The following MAD1L1 variants were observed in gnomAD, a reference collection of about 807,000 sequenced individuals.
MAD1L1 encodes the protein mitotic arrest deficient 1 like 1.
MAD1L1 carries 95 observed loss-of-function variants against 96.9 expected under a neutral mutation model. The observed-to-expected ratio is 0.98, with a 90% CI of 0.83 to 1.16. The LOEUF is 1.16. Ranked by LOEUF, MAD1L1 falls within the 50% of genes most tolerant of loss-of-function variation. The pLI, the probability that MAD1L1 is intolerant of heterozygous loss-of-function variation, is 0.00. For missense variants in MAD1L1, 1,007 were observed against 954.4 expected (o/e 1.06, Z -0.73); for synonymous variants, 473 against 396.6 (o/e 1.19, Z -2.29).
chr7:1,862,839 C>G (rs763153816), intron 18 of MAD1L1, among the ~76,000 whole-genome samples: 3 of 152,224 alleles, frequency 2.0e-5, no homozygotes, highest in Non-Finnish European at 2.9e-5. Context: ...AACAATTCAC[C>G]GAAACCCTCA....
chr7:2,142,631 G>T lies in MAD1L1; in HGVS notation c.1073+6521C>A, dbSNP rs781176583. Among the ~76,000 whole-genome samples the T allele has an allele frequency of 6.6e-6, 1 of 152,224 alleles. No individual in the cohort carries two copies. The highest frequency in any genetic ancestry group is 2.4e-5 in the African/African-American group (1 of 41,454). The stretch of plus-strand genomic sequence containing the variant: ...CAGACAGGCATGGCAGGCTGCCACC[G>T]TGGAATACATGGAGACAGCCCATTA... On this transcript the variant is annotated intron_variant, in intron 11 of 18. Coordinates refer to ENST00000265854, the MANE Select transcript of MAD1L1 (RefSeq NM_001013836.2). The surrounding 1 kb of genome is among the most constrained non-coding windows in gnomAD (Gnocchi z 4.7).
rs60466584 is a variant in MAD1L1 at position 2,038,498 on chromosome 7, C to CTTTTTTTTTTTTTTTTTTTT, written c.1219-23876_1219-23857dup. Among the ~76,000 whole-genome samples the CTTTTTTTTTTTTTTTTTTTT allele has an allele frequency of 7.5e-5, 7 of 92,826 alleles. 3 individuals carry two copies. Among genetic ancestry groups the CTTTTTTTTTTTTTTTTTTTT allele is most frequent in the African/African-American group, 7.3e-5 (2 of 27,524 alleles). 60.9% of individuals were successfully genotyped at this position (92,826 alleles called of 152,430 possible). A position where few individuals can be genotyped will look rare whatever the true frequency, so the allele number is the denominator to read the frequency against. ...TGTTAGGAGATAATGAAGCTGATGA[C>CTTTTTTTTTTTTTTTTTTTT]TTTTTTTTTTTTTTTTTTTTTTTTT... On this transcript the variant is annotated intron_variant, in intron 12 of 18. Coordinates refer to ENST00000265854, the MANE Select transcript of MAD1L1 (RefSeq NM_001013836.2).
chr7:1,925,252 G>C (rs1789023622), intron 17 of MAD1L1, among the ~76,000 whole-genome samples: 1 of 152,198 alleles, frequency 6.6e-6, no homozygotes, highest in Admixed American at 6.5e-5. Flanking sequence ...ATCGTAGAAA[G>C]TGCGTTCCCT....
In MAD1L1 at chr7:2,087,884, G is replaced by C. The variant is rs554418250; in HGVS notation, c.1074-18546C>G. Reference sequence around the variant, plus strand: ...CCCTTAGCATCCAAGACAGCACGGCGCTAGCAGCTGAAGGGAAAACCACAA... The same window carrying C: ...CCCTTAGCATCCAAGACAGCACGGCCCTAGCAGCTGAAGGGAAAACCACAA... On this transcript the variant is annotated intron_variant, in intron 11 of 18. Coordinates refer to ENST00000265854, the MANE Select transcript of MAD1L1 (RefSeq NM_001013836.2). 2.0e-5 allele frequency among the ~76,000 whole-genome samples: 3 copies of C among 152,284 alleles called. No homozygotes were observed. In the East Asian group the frequency reaches 5.8e-4, roughly 29 times the overall value.
rs1023436771 is a variant in MAD1L1 at position 2,119,532 on chromosome 7, C to T, written c.1073+29620G>A. Among the ~76,000 whole-genome samples, 11 of 152,214 alleles carry T rather than the reference C, an allele frequency of 7.2e-5. No individual in the cohort carries two copies. The highest frequency in any genetic ancestry group is 1.3e-4 in the Non-Finnish European group (9 of 68,036). On this transcript the variant is annotated intron_variant, in intron 11 of 18. Transcript: ENST00000265854. This position sits in a 1 kb window ranked among gnomAD's most constrained non-coding sequence, Gnocchi z 4.6. ...GTGCAAGTTGACCCCAGGCAGCTCT[C>T]AGGTCCCGACTGTGGGGACAGCACG...
chr7:1,937,409 C>A (rs919342967), intron 16 of MAD1L1, among the ~76,000 whole-genome samples: 1 of 152,206 alleles, frequency 6.6e-6, no homozygotes, highest in East Asian at 1.9e-4. Flanking sequence ...CTCAGGAATG[C>A]GCCTCGCAAC....
intron 16 of MAD1L1, 79 bp from the exon 17 acceptor site, chr7:1,936,976 T>C (rs1412508638): frequency 1.5e-5 from 18 of 1,190,204 alleles, no homozygotes; most frequent in African/African-American, 3.0e-5. Flanking sequence ...TGGGTCACCA[T>C]GGCCCAGGAA....
chr7:2,211,708 CA>C (rs898084082), intron 10 of MAD1L1, among the ~76,000 whole-genome samples: 7 of 152,230 alleles, frequency 4.6e-5, no homozygotes, highest in Non-Finnish European at 8.8e-5. Context: ...GAGGAGACAG[CA>C]GCCCGGGCCG....
intron 1 of MAD1L1, among the ~76,000 whole-genome samples, chr7:2,232,508 C>T (rs905689449): frequency 6.6e-6 from 1 of 152,222 alleles, no homozygotes; most frequent in East Asian, 1.9e-4. Context: ...CGCGCCGGCA[C>T]CCTAGCCCGG....
At chr7:2,084,218 A>T (rs1310652088) in intron 11 of MAD1L1, among the ~76,000 whole-genome samples, 2 of 152,232 alleles carry the variant, frequency 1.3e-5, no homozygotes, top group Admixed American at 1.3e-4. Flanking sequence ...TATGTGTAGA[A>T]AAATAAAGCT....
At chr7:1,819,110 C>T (rs1781988725) in intron 18 of MAD1L1, among the ~76,000 whole-genome samples, 1 of 152,192 alleles carries the variant, frequency 6.6e-6, no homozygotes, top group Non-Finnish European at 1.5e-5. Context: ...CCATCTCTGC[C>T]ATCGCTGCTC....
intron 10 of MAD1L1, among the ~76,000 whole-genome samples, chr7:2,185,215 C>G (rs1378113752): frequency 1.4e-5 from 2 of 138,318 alleles, no homozygotes; most frequent in African/African-American, 2.7e-5. Flanking sequence ...TTGCCTCCCC[C>G]CTAGTCCCAG....
intron 13 of MAD1L1, among the ~76,000 whole-genome samples, chr7:2,010,314 G>C (rs1361115122): frequency 6.6e-6 from 1 of 152,044 alleles, no homozygotes; most frequent in Non-Finnish European, 1.5e-5. Context: ...AGGGAAGACG[G>C]AAACACCGTG....
Position 2,226,895 on chromosome 7 carries a change from G to A in MAD1L1, c.151-1345C>T, listed in dbSNP as rs547981448. Among the ~76,000 whole-genome samples the A allele has an allele frequency of 2.7e-4, 41 of 152,054 alleles. 1 individual carries two copies. Among genetic ancestry groups the A allele is most frequent in the East Asian group, 1.5e-3 (8 of 5,186 alleles). On this transcript the variant is annotated intron_variant, in intron 3 of 18. Coordinates refer to ENST00000265854, the MANE Select transcript of MAD1L1 (RefSeq NM_001013836.2). ...ACCCCAGCTACTCAGGCTGAGGCAGGAGAATCGCTTGAACCCAGGAGGCGA... is the reference window on the plus strand; with the variant it reads ...ACCCCAGCTACTCAGGCTGAGGCAGAAGAATCGCTTGAACCCAGGAGGCGA...
chr7:1,924,421 T>C (rs1484085149), intron 17 of MAD1L1, among the ~76,000 whole-genome samples: 2 of 152,178 alleles, frequency 1.3e-5, no homozygotes, highest in African/African-American at 2.4e-5. Flanking sequence ...GGAGATTTCT[T>C]TGAGTGACTG....
At chr7:1,996,987 C>A (rs1781588610) in intron 14 of MAD1L1, among the ~76,000 whole-genome samples, 1 of 152,206 alleles carries the variant, frequency 6.6e-6, no homozygotes, top group Non-Finnish European at 1.5e-5. Flanking sequence ...CCATCTCCAG[C>A]CACTGCGGGC....
intron 11 of MAD1L1, among the ~76,000 whole-genome samples, chr7:2,076,690 T>G (rs918098760): frequency 3.3e-5 from 5 of 149,688 alleles, no homozygotes; most frequent in Non-Finnish European, 5.9e-5. Context: ...GACACAGGTA[T>G]GACACAGCGA....
intron 18 of MAD1L1, chr7:1,854,434 C>T (rs954500699): frequency 8.8e-6 from 4 of 453,854 alleles, no homozygotes; most frequent in African/African-American, 8.0e-5. Flanking sequence ...TCACTTCTCA[C>T]AGGCCTGGAG....
At chr7:2,109,282 GC>G (rs1274248858) in intron 11 of MAD1L1, among the ~76,000 whole-genome samples, 1 of 152,222 alleles carries the variant, frequency 6.6e-6, no homozygotes. Flanking sequence ...GATAGTCCCT[GC>G]CTTAAGCAGC....
Sources: allele counts gnomAD v4.1 joint callset (sites outside exome capture counted in the v4.1 genomes callset), GRCh38; gene constraint gnomAD v4.1.1; non-coding constraint Gnocchi (gnomAD v3.1); transcripts MANE v1.5; gene names NCBI Gene and HGNC (gene_info 2026-07-23, HGNC 2026-07-21).